APOBEC3D: variants seen among roughly 807,000 people sequenced by gnomAD.
APOBEC3D encodes DNA dC->dU-editing enzyme APOBEC-3D.
APOBEC3D carries 37 observed loss-of-function variants against 45.6 expected under a neutral mutation model. The ratio of observed to expected loss-of-function variants is 0.81; its 90% CI spans 0.62 to 1.07. The LOEUF (loss-of-function observed/expected upper bound fraction) is 1.07, where lower values mean the gene tolerates loss of function less well. Ranked by LOEUF, APOBEC3D falls within the 50% of genes least tolerant of loss-of-function variation. APOBEC3D has a pLI of 0.00. For synonymous variants in APOBEC3D, 175 were observed against 180.7 expected, an observed-to-expected ratio of 0.97 and a Z score of 0.25; for missense variants, 496 against 495.3, an observed-to-expected ratio of 1.00 and a Z score of -0.01.
chr22:39,027,723 CCTCCCCCTGCCCCAGCCCTGGG>C (rs1483170407), intron 4 of APOBEC3D, among the ~76,000 whole-genome samples: 4 of 152,202 alleles, frequency 2.6e-5, no homozygotes, highest in African/African-American at 7.2e-5. Context: ...TCAGCCCTGG[CCTCCCCCTGCCCCAGCCCTGGG>C]CTCCCTCCCC....
chr22:39,026,238 C>T (rs1000336007), intron 4 of APOBEC3D, among the ~76,000 whole-genome samples: 18 of 152,126 alleles, frequency 1.2e-4, no homozygotes, highest in Non-Finnish European at 1.5e-5. Flanking sequence ...TGTGGCCGCT[C>T]CTCCTGGCTG....
chr22:39,030,562 T>G (rs147875904), intron 5 of APOBEC3D, among the ~76,000 whole-genome samples: 16 of 151,658 alleles, frequency 1.1e-4, no homozygotes, highest in Admixed American at 3.3e-4. Flanking sequence ...AGTTAAAGTT[T>G]GTCTATTCTC....
intron 1 of APOBEC3D, among the ~76,000 whole-genome samples, 157 bp from the exon 2 acceptor site, chr22:39,022,665 C>G (rs1925236386): frequency 6.6e-6 from 1 of 152,168 alleles, no homozygotes; most frequent in South Asian, 2.1e-4. Flanking sequence ...TTCCTCTCCC[C>G]TCAGTCTTCC....
rs369919897 is a variant in APOBEC3D at position 39,025,305 on chromosome 22, G to C, written c.446G>C (p.Arg149Thr). Reference protein sequence around the residue: ...RDRDWRWVLLRLHKAGARVKI... With the variant: ...RDRDWRWVLLTLHKAGARVKI... ...AGAGATTGGCGGTGGGTGCTCCTCAGGCTGCATAAGGCAGGGGCCCGTGTG... is the reference window on the plus strand; with the variant it reads ...AGAGATTGGCGGTGGGTGCTCCTCACGCTGCATAAGGCAGGGGCCCGTGTG... Residue 149 changes from arginine (R) to threonine (T), a missense_variant, in exon 3 of 7, where the codon AGG becomes ACG. Arg to Thr is a moderately conservative substitution (Grantham distance 71). Coordinates refer to ENST00000216099, the MANE Select transcript of APOBEC3D (RefSeq NM_152426.4). 6.2e-7 allele frequency: 1 copy of C among 1,613,992 alleles called. No homozygotes were observed. The highest frequency in any genetic ancestry group is 1.3e-5 in the African/African-American group (1 of 74,892).
chr22:39,024,969 A>C (rs1273311349), intron 2 of APOBEC3D, 101 bp from the exon 3 acceptor site: 1 of 1,082,026 alleles, frequency 9.2e-7, no homozygotes, highest in Non-Finnish European at 1.3e-6. Context: ...CAATGGCAAG[A>C]TCCCCTGGGC....
At chr22:39,022,480 G>A (rs1027942602) in intron 1 of APOBEC3D, among the ~76,000 whole-genome samples, 2 of 152,234 alleles carry the variant, frequency 1.3e-5, no homozygotes. Context: ...GAGCTGAAAG[G>A]TTAAAAGCTA....
In APOBEC3D at chr22:39,029,445, T is replaced by G; in HGVS notation, c.688T>G (p.Trp230Gly). ...LLKACGRNES[W>G]LCFTMEVTKH... ...GAAAGCCTGTGGTCGGAACGAAAGC[T>G]GGCTGTGCTTCACCATGGAAGTTAC... is the stretch of plus-strand genomic sequence containing the variant. The change falls in exon 5 of 7, where the codon TGG becomes GGG. Residue 230 changes from tryptophan to glycine, a missense_variant. By Grantham distance (184) the Trp-to-Gly change is radical. Transcript: ENST00000216099. 1.2e-6 allele frequency: 2 copies of G among 1,614,176 alleles called. No individual in the cohort carries two copies. Among genetic ancestry groups the G allele is most frequent in the Non-Finnish European group, 1.7e-6 (2 of 1,180,036 alleles).
chr22:39,021,297 G>C lies in APOBEC3D; in HGVS notation c.-223G>C, dbSNP rs554294181. 13 of 510,000 alleles carry C rather than the reference G, an allele frequency of 2.5e-5. No homozygotes were observed. The highest frequency in any genetic ancestry group is 2.9e-5 in the Non-Finnish European group (8 of 274,114). The allele number at this position is 510,000 out of a possible 1,614,324, so 31.6% of individuals were successfully genotyped here. On this transcript the variant is annotated 5_prime_UTR_variant, in exon 1 of 7. Coordinates refer to ENST00000216099, the MANE Select transcript of APOBEC3D (RefSeq NM_152426.4). ...TAATTTTTGTATTTTTAGTAGAGAC[G>C]GGGTTTCTCCATGTTGGTCAGGCTG... is the stretch of plus-strand genomic sequence containing the variant.
intron 5 of APOBEC3D, among the ~76,000 whole-genome samples, chr22:39,030,112 T>C (rs1316809611): frequency 6.7e-6 from 1 of 150,180 alleles, no homozygotes; most frequent in Non-Finnish European, 1.5e-5. Context: ...AAGCGGTGGG[T>C]CTGGTGTCCA....
Position 39,032,606 on chromosome 22 carries a change from T to C in APOBEC3D, c.*290T>C. The C allele has an allele frequency of 9.0e-7, 1 of 1,105,248 alleles. No homozygotes were observed. Among genetic ancestry groups the C allele is most frequent in the Non-Finnish European group, 1.1e-6 (1 of 905,336 alleles). 68.5% of individuals were successfully genotyped at this position (1,105,248 alleles called of 1,614,324 possible). ...AACCAAATCTTTTTTTTTTTTTTTT[T>C]TTTTTGAGACGGAGTTTCACTCTGT... is the stretch of plus-strand genomic sequence containing the variant. On this transcript the variant is annotated 3_prime_UTR_variant, in exon 7 of 7. Coordinates refer to ENST00000216099, the MANE Select transcript of APOBEC3D (RefSeq NM_152426.4).
At chr22:39,029,267 G>C in intron 4 of APOBEC3D, 96 bp from the exon 5 acceptor site, 2 of 1,384,256 alleles carry the variant, frequency 1.4e-6, no homozygotes, top group Non-Finnish European at 2.0e-6. Flanking sequence ...GGAGGGATGG[G>C]AGAGGCCCAG....
intron 5 of APOBEC3D, among the ~76,000 whole-genome samples, chr22:39,031,415 A>C (rs1309294412): frequency 2.6e-5 from 4 of 152,118 alleles, no homozygotes; most frequent in African/African-American, 7.2e-5. Flanking sequence ...AAAAATTACA[A>C]AAAAATTAGC....
chr22:39,026,757 GTT>G (rs1167260095), intron 4 of APOBEC3D, among the ~76,000 whole-genome samples: 22 of 141,792 alleles, frequency 1.6e-4, no homozygotes, highest in African/African-American at 5.8e-4. Context: ...AGGTTTTTTT[GTT>G]TTTTTTTTTT....
In APOBEC3D at chr22:39,025,346, G is replaced by A; in HGVS notation, c.487G>A (p.Glu163Lys). Residue 163 changes from glutamate (E) to lysine (K), a missense_variant, in exon 3 of 7, where the codon GAA becomes AAA. Physicochemically the swap from Glu to Lys is moderately conservative, Grantham distance 56. Coordinates refer to ENST00000216099, the MANE Select transcript of APOBEC3D (RefSeq NM_152426.4). ...AGARVKIMDY[E>K]DFAYCWENFV... is the part of the protein sequence containing the mutation. ...GGCCCGTGTGAAGATCATGGACTAT[G>A]AAGGTGAGAGGTGCAGGGGTCAGGG... 2 of 1,614,032 alleles carry A rather than the reference G, an allele frequency of 1.2e-6. No homozygotes were observed. Among genetic ancestry groups the A allele is most frequent in the Non-Finnish European group, 8.5e-7 (1 of 1,179,938 alleles).
chr22:39,025,499 G>A (rs1925553234), intron 3 of APOBEC3D, 58 bp from the exon 4 acceptor site: 1 of 1,614,028 alleles, frequency 6.2e-7, no homozygotes, highest in Non-Finnish European at 8.5e-7. Flanking sequence ...GACCAGGCCT[G>A]GGAGGGCAGG....
In APOBEC3D at chr22:39,032,555, C is replaced by A; in HGVS notation, c.*239C>A. On this transcript the variant is annotated 3_prime_UTR_variant, in exon 7 of 7. Transcript: ENST00000216099. ...GTTCCCCCAGCCTGGGTGCCCCTAA[C>A]TTGACTCTTCCCATCTCCCCAGCAT... 1 of 1,242,954 alleles carries A rather than the reference C, an allele frequency of 8.0e-7. No individual in the cohort carries two copies. The highest frequency in any genetic ancestry group is 1.0e-6 in the Non-Finnish European group (1 of 990,440). The allele number at this position is 1,242,954 out of a possible 1,614,324, so 77.0% of individuals were successfully genotyped here.
At chr22:39,022,677 G>A in intron 1 of APOBEC3D, 145 bp from the exon 2 acceptor site, 3 of 1,109,382 alleles carry the variant, frequency 2.7e-6, no homozygotes, top group Admixed American at 2.7e-5. Context: ...CAGTCTTCCT[G>A]CCTGGGAAGG....
chr22:39,031,778 G>A lies in APOBEC3D; in HGVS notation c.847G>A (p.Glu283Lys), dbSNP rs201495111. The change falls in exon 6 of 7, where the codon GAG (glutamate) becomes AAG (lysine). Residue 283 changes from glutamate (E) to lysine (K), a missense_variant. By Grantham distance (56) the Glu-to-Lys change is moderately conservative (BLOSUM62 1). Coordinates refer to ENST00000216099, the MANE Select transcript of APOBEC3D (RefSeq NM_152426.4). ...CATACTGTCTCCTAACACAAACTAC[G>A]AGGTCACCTGGTACACATCTTGGAG... The part of the protein sequence containing the change: ...DDILSPNTNY[E>K]VTWYTSWSPC... 2.9e-4 allele frequency: 462 copies of A among 1,613,956 alleles called. 7 individuals are homozygous for A. The East Asian group carries it at 7.6e-3, about 27-fold the overall frequency.
At chr22:39,021,564 C>A (rs1327614044) in intron 1 of APOBEC3D, 28 bp downstream of exon 1, 2 of 1,611,836 alleles carry the variant, frequency 1.2e-6, no homozygotes, top group Non-Finnish European at 1.7e-6. Flanking sequence ...GTCCGCAGGG[C>A]CCCTCCGGCC....
Sources: allele counts gnomAD v4.1 joint callset (sites outside exome capture counted in the v4.1 genomes callset), GRCh38; gene constraint gnomAD v4.1.1; transcripts MANE v1.5; gene names NCBI Gene and HGNC (gene_info 2026-07-23, HGNC 2026-07-21).